SLC16A7: variants seen among roughly 807,000 people sequenced by gnomAD.
The protein encoded by SLC16A7 is monocarboxylate transporter 2.
SLC16A7 carries 33 observed loss-of-function variants against 34.9 expected under a neutral mutation model. The observed-to-expected ratio is 0.94, with a 90% CI of 0.72 to 1.26. The LOEUF (loss-of-function observed/expected upper bound fraction) is 1.26. Among genes scored for constraint, SLC16A7 ranks in the 50% most tolerant of loss-of-function variants. The pLI, the probability that SLC16A7 is intolerant of heterozygous loss-of-function variation, is 0.00. For synonymous variants in SLC16A7, 201 were observed against 206.6 expected, an observed-to-expected ratio of 0.97 and a Z score of 0.23; for missense variants, 573 against 578.1, an observed-to-expected ratio of 0.99 and a Z score of 0.09.
intron 4 of SLC16A7, among the ~76,000 whole-genome samples, chr12:59,771,878 T>C (rs1159987716): frequency 1.3e-5 from 2 of 152,156 alleles, no homozygotes; most frequent in Non-Finnish European, 2.9e-5. Context: ...ACCGTGTTCC[T>C]TCTTTTTCTT....
chr12:59,646,126 T>C (rs1352163740), intron 1 of SLC16A7, among the ~76,000 whole-genome samples: 1 of 152,158 alleles, frequency 6.6e-6, no homozygotes. Flanking sequence ...AAATTCAAGC[T>C]TGCTACAGAA....
At chr12:59,733,948 GT>G in intron 3 of SLC16A7, 2 of 406,052 alleles carry the variant, frequency 4.9e-6, no homozygotes, top group Non-Finnish European at 9.9e-6. Context: ...AGAGTCTGGG[GT>G]TTTTAAGGGG....
chr12:59,664,541 G>GTATA (rs2137034119), intron 2 of SLC16A7: 1 of 152,216 alleles, frequency 6.6e-6, no homozygotes, highest in African/African-American at 2.4e-5. Flanking sequence ...AACTATTAAT[G>GTATA]TATATAGTAC....
At chr12:59,665,861 G>T (rs1310606150) in intron 2 of SLC16A7, among the ~76,000 whole-genome samples, 1 of 149,792 alleles carries the variant, frequency 6.7e-6, no homozygotes, top group Non-Finnish European at 1.5e-5. Context: ...TGTGTGTCTT[G>T]GTTCTTTCTA....
At position 59,781,904 on chromosome 12, in the gene SLC16A7, C is replaced by T. The variant is rs1340569736; in HGVS notation, c.*2225C>T. On this transcript the variant is annotated 3_prime_UTR_variant, in exon 6 of 6. Coordinates refer to ENST00000547379, the MANE Select transcript of SLC16A7 (RefSeq NM_001270623.2). ...TCATGAGGTTTTAGGTCAAAGACTA[C>T]ATTATATATATTTTTTATTACCTTC... The T allele has an allele frequency of 1.3e-5, 2 of 149,776 alleles. No individual in the cohort carries two copies. The highest frequency in any genetic ancestry group is 1.3e-4 in the Admixed American group (2 of 14,990). The allele number at this position is 149,776 out of a possible 1,614,324, so 9.3% of individuals were successfully genotyped here. A position where few individuals can be genotyped will look rare whatever the true frequency, so the allele number is the denominator to read the frequency against.
At chr12:59,751,918 G>A (rs987977637) in intron 3 of SLC16A7, among the ~76,000 whole-genome samples, 4 of 152,154 alleles carry the variant, frequency 2.6e-5, no homozygotes, top group African/African-American at 9.7e-5. Flanking sequence ...ACTTCCAGAG[G>A]AACGATCAGA....
intron 2 of SLC16A7, among the ~76,000 whole-genome samples, chr12:59,683,617 G>T (rs1870918170): frequency 6.6e-6 from 1 of 152,140 alleles, no homozygotes; most frequent in Admixed American, 6.5e-5. Flanking sequence ...TCAGTGGGGT[G>T]CCCATTTGAA....
chr12:59,611,799 A>G (rs74537017), intron 1 of SLC16A7, among the ~76,000 whole-genome samples: 1,848 of 152,304 alleles, frequency 0.012, 41 homozygotes, highest in African/African-American at 0.042. Context: ...CTGGAATCCA[A>G]TAGTTCATTC....
intron 3 of SLC16A7, among the ~76,000 whole-genome samples, chr12:59,761,411 ACTCT>A (rs1301152056): frequency 3.3e-5 from 5 of 152,026 alleles, no homozygotes; most frequent in African/African-American, 1.2e-4. Flanking sequence ...CATTTATATG[ACTCT>A]CTAGTAATTT....
At chr12:59,683,365 G>C (rs1057301218) in intron 2 of SLC16A7, among the ~76,000 whole-genome samples, 7 of 152,160 alleles carry the variant, frequency 4.6e-5, no homozygotes, top group Non-Finnish European at 1.0e-4. Flanking sequence ...GGATGTGTTG[G>C]AGAGAGGCCA....
chr12:59,722,751 C>T (rs996757557), intron 3 of SLC16A7, among the ~76,000 whole-genome samples: 1 of 151,854 alleles, frequency 6.6e-6, no homozygotes, highest in Non-Finnish European at 1.5e-5. Flanking sequence ...TTCAACAACA[C>T]GTCACACGGT....
chr12:59,703,727 T>C (rs1175094725), intron 2 of SLC16A7, among the ~76,000 whole-genome samples: 2 of 152,144 alleles, frequency 1.3e-5, no homozygotes, highest in African/African-American at 4.8e-5. Context: ...TTAGTAATAC[T>C]GTATAGTATA....
intron 1 of SLC16A7, among the ~76,000 whole-genome samples, chr12:59,617,115 A>G (rs992500627): frequency 2.0e-5 from 3 of 152,042 alleles, no homozygotes; most frequent in Admixed American, 6.6e-5. Context: ...ATTTCTTTGC[A>G]AAATAGGGAA....
chr12:59,670,710 G>T (rs1869609133), intron 2 of SLC16A7, among the ~76,000 whole-genome samples: 1 of 152,126 alleles, frequency 6.6e-6, no homozygotes, highest in Non-Finnish European at 1.5e-5. Context: ...TGGTGTCACT[G>T]GTCTAAATTC....
At chr12:59,737,847 A>AGTTCCTT (rs761061131) in intron 3 of SLC16A7, among the ~76,000 whole-genome samples, 20 of 152,156 alleles carry the variant, frequency 1.3e-4, no homozygotes, top group Non-Finnish European at 2.9e-4. Flanking sequence ...CAAATGGAAT[A>AGTTCCTT]GTTCCTTTCT....
At chr12:59,678,122 C>T (rs1870455944) in intron 2 of SLC16A7, among the ~76,000 whole-genome samples, 1 of 152,190 alleles carries the variant, frequency 6.6e-6, no homozygotes, top group South Asian at 2.1e-4. Flanking sequence ...GAGGTCACAG[C>T]CCTGGCTCAG....
rs758744055 is a variant in SLC16A7 at position 59,775,009 on chromosome 12, T to G, written c.714T>G (p.Asp238Glu). 1 of 1,613,798 alleles carries G rather than the reference T, an allele frequency of 6.2e-7. No individual in the cohort carries two copies. Among genetic ancestry groups the G allele is most frequent in the Non-Finnish European group, 8.5e-7 (1 of 1,179,828 alleles). Residue 238 changes from aspartate to glutamate, a missense_variant, in exon 5 of 6, where the codon GAT (aspartate) becomes GAG (glutamate). By Grantham distance (45) the Asp-to-Glu change is conservative. Transcript: ENST00000547379. ...GGGAAAAAGTTAATAAGTATTTAGA[T>G]TTCTCCCTTTTTAAGCATAGAGGAT... is the stretch of plus-strand genomic sequence containing the variant. ...STWEKVNKYL[D>E]FSLFKHRGFL...
intron 2 of SLC16A7, among the ~76,000 whole-genome samples, chr12:59,666,340 G>A (rs1592454256): frequency 1.3e-5 from 2 of 152,140 alleles, no homozygotes; most frequent in East Asian, 3.9e-4. Flanking sequence ...ATTTATGCTC[G>A]GCATTGCTAA....
At chr12:59,710,210 A>G (rs974855626) in intron 3 of SLC16A7, among the ~76,000 whole-genome samples, 2 of 152,192 alleles carry the variant, frequency 1.3e-5, no homozygotes, top group South Asian at 2.1e-4. Context: ...ATTAGGGCTT[A>G]GCAGTCAACC....
Sources: gnomAD v4.1 joint callset for allele counts (sites outside exome capture counted in the v4.1 genomes callset) on GRCh38, gnomAD v4.1.1 for gene constraint, MANE v1.5 for transcripts, NCBI Gene and HGNC (gene_info 2026-07-23, HGNC 2026-07-21) for gene names.